The following SLC5A8 variants were observed in gnomAD, a reference collection of about 807,000 sequenced individuals.
SLC5A8 encodes the protein sodium-coupled monocarboxylate transporter 1.
In SLC5A8, 55 loss-of-function variants were observed where a neutral mutation model predicts 71.9. The ratio of observed to expected loss-of-function variants is 0.77; its 90% CI spans 0.62 to 0.96. The LOEUF (loss-of-function observed/expected upper bound fraction) is 0.96, where lower values mean the gene tolerates loss of function less well. Ranked by LOEUF, SLC5A8 falls within the 40% of genes least tolerant of loss-of-function variation. The pLI, the probability that SLC5A8 is intolerant of heterozygous loss-of-function variation, is 0.00. For synonymous variants in SLC5A8, 307 were observed against 276.1 expected, an observed-to-expected ratio of 1.11 and a Z score of -1.11; for missense variants, 701 against 745.3, an observed-to-expected ratio of 0.94 and a Z score of 0.69.
intron 10 of SLC5A8, among the ~76,000 whole-genome samples, chr12:101,171,310 A>C (rs559590274): frequency 2.4e-4 from 37 of 152,270 alleles, no homozygotes; most frequent in Admixed American, 5.2e-4. Context: ...CATACTGCTA[A>C]GTTTGACAGA....
At chr12:101,185,049 A>G (rs1007573711) in intron 7 of SLC5A8, among the ~76,000 whole-genome samples, 1 of 152,168 alleles carries the variant, frequency 6.6e-6, no homozygotes, top group Admixed American at 6.5e-5. Flanking sequence ...AGTAGATGAC[A>G]TGTCCTATTT....
intron 3 of SLC5A8, among the ~76,000 whole-genome samples, chr12:101,195,591 T>C (rs1053206166): frequency 6.6e-6 from 1 of 152,128 alleles, no homozygotes; most frequent in Non-Finnish European, 1.5e-5. Context: ...TGCTATGATG[T>C]ATAGATTCAA....
At chr12:101,186,774 T>C (rs1441343681) in intron 7 of SLC5A8, among the ~76,000 whole-genome samples, 1 of 152,158 alleles carries the variant, frequency 6.6e-6, no homozygotes, top group Non-Finnish European at 1.5e-5. Context: ...CCATGGTGGG[T>C]ATTTGATAAC....
intron 1 of SLC5A8, among the ~76,000 whole-genome samples, chr12:101,207,844 T>C (rs976927708): frequency 6.6e-6 from 1 of 152,186 alleles, no homozygotes; most frequent in Admixed American, 6.5e-5. Flanking sequence ...CCTTTACCCC[T>C]GTCCATTTTG....
At chr12:101,158,590 CTCTCT>C (rs2051693450) in intron 13 of SLC5A8, among the ~76,000 whole-genome samples, 1 of 31,558 alleles carries the variant, frequency 3.2e-5, no homozygotes, top group Admixed American at 4.7e-4. Flanking sequence ...CTCTCTCTCT[CTCTCT>C]CTCTATATAT....
intron 10 of SLC5A8, among the ~76,000 whole-genome samples, chr12:101,172,860 T>C (rs993097756): frequency 4.6e-5 from 7 of 152,138 alleles, no homozygotes; most frequent in Non-Finnish European, 1.0e-4. Flanking sequence ...TGGGCTCTCC[T>C]TAAAAACATC....
intron 13 of SLC5A8, among the ~76,000 whole-genome samples, chr12:101,159,291 A>C (rs2051704013): frequency 6.6e-6 from 1 of 152,194 alleles, no homozygotes; most frequent in Non-Finnish European, 1.5e-5. Flanking sequence ...GAATTCGTTC[A>C]ATGTTATTGA....
At chr12:101,164,787 C>T (rs866633143) in intron 12 of SLC5A8, among the ~76,000 whole-genome samples, 1 of 152,172 alleles carries the variant, frequency 6.6e-6, no homozygotes, top group Non-Finnish European at 1.5e-5. Flanking sequence ...ATATTACTTA[C>T]CACAATGCAT....
intron 5 of SLC5A8, among the ~76,000 whole-genome samples, chr12:101,191,979 T>C (rs1868932073): frequency 6.6e-6 from 1 of 152,194 alleles, no homozygotes; most frequent in African/African-American, 2.4e-5. Flanking sequence ...AAATGATTGG[T>C]TCCATACCCT....
At chr12:101,203,509 G>A (rs774787358) in intron 2 of SLC5A8, among the ~76,000 whole-genome samples, 3 of 152,086 alleles carry the variant, frequency 2.0e-5, no homozygotes, top group African/African-American at 2.4e-5. Flanking sequence ...CCTCATGCCT[G>A]GCTAATTTTT....
At chr12:101,204,163 C>A (rs1360257747) in intron 2 of SLC5A8, among the ~76,000 whole-genome samples, 1 of 152,196 alleles carries the variant, frequency 6.6e-6, no homozygotes, top group Non-Finnish European at 1.5e-5. Flanking sequence ...CCACTGTCAG[C>A]AACAAATATC....
At chr12:101,176,948 C>A in intron 10 of SLC5A8, among the ~76,000 whole-genome samples, 1 of 151,456 alleles carries the variant, frequency 6.6e-6, no homozygotes. Flanking sequence ...TGAGTGAAAA[C>A]AGAAAAACAA....
In SLC5A8 at chr12:101,166,608, A is replaced by C. The variant is rs1186770609; in HGVS notation, c.1412T>G (p.Leu471Trp). ...GCCTTGGATATCAAGGTGCAATGGC[A>C]ATGTTCTCTCAGGAAGTGGAGGATA... ...QIYPPLPERTLPLHLDIQGCN... is the reference protein window; with the variant it reads ...QIYPPLPERTWPLHLDIQGCN... Residue 471 changes from leucine to tryptophan, a missense_variant, in exon 12 of 15, where the codon TTG (leucine) becomes TGG (tryptophan). Physicochemically the swap from Leu to Trp is moderately conservative, Grantham distance 61. Coordinates refer to ENST00000536262, the MANE Select transcript of SLC5A8 (RefSeq NM_145913.5). 6 of 1,613,922 alleles carry C rather than the reference A, an allele frequency of 3.7e-6. No individual in the cohort carries two copies. The Admixed American group carries it at 8.3e-5, about 22-fold the overall frequency.
chr12:101,204,637 T>A, intron 1 of SLC5A8, 72 bp from the exon 2 acceptor site: 2 of 1,068,950 alleles, frequency 1.9e-6, no homozygotes, highest in Non-Finnish European at 2.8e-6. Context: ...AGAAGAAAAT[T>A]TAAATTTAGA....
chr12:101,162,201 CTG>C, intron 12 of SLC5A8, 124 bp from the exon 13 acceptor site: 1 of 647,284 alleles, frequency 1.5e-6, no homozygotes, highest in Non-Finnish European at 2.7e-6. Context: ...ATGTCATAAC[CTG>C]CTGTCCTAAT....
chr12:101,161,603 T>C (rs957652089), intron 13 of SLC5A8, among the ~76,000 whole-genome samples: 3 of 152,200 alleles, frequency 2.0e-5, no homozygotes, highest in African/African-American at 7.2e-5. Flanking sequence ...TAAAAATATG[T>C]GTAAAATCCC....
In SLC5A8 at chr12:101,158,245, T is replaced by C; in HGVS notation, c.1710+4A>G. 1.3e-6 allele frequency: 2 copies of C among 1,570,950 alleles called. No homozygotes were observed. Among genetic ancestry groups the C allele is most frequent in the South Asian group, 2.3e-5 (2 of 88,572 alleles). ...TAACTCAAGGTAAATGAAAGCCAAC[T>C]CACTTTCTTAAAAATATCAAAATTG... On this transcript the variant is annotated splice_donor_region_variant and intron_variant, in intron 14 of 14. Coordinates refer to ENST00000536262, the MANE Select transcript of SLC5A8 (RefSeq NM_145913.5).
intron 1 of SLC5A8, among the ~76,000 whole-genome samples, chr12:101,206,439 A>G (rs999610296): frequency 6.6e-6 from 1 of 152,222 alleles, no homozygotes; most frequent in Non-Finnish European, 1.5e-5. Flanking sequence ...TGGAGACCCA[A>G]ATAAATTGAA....
Position 101,158,240 on chromosome 12 carries a change from C to T in SLC5A8, c.1710+9G>A. The T allele has an allele frequency of 1.3e-6, 2 of 1,562,460 alleles. No individual in the cohort carries two copies. The highest frequency in any genetic ancestry group is 8.8e-7 in the Non-Finnish European group (1 of 1,138,692). ...TTTCCTAACTCAAGGTAAATGAAAG[C>T]CAACTCACTTTCTTAAAAATATCAA... On this transcript the variant is annotated intron_variant, in intron 14 of 14. Coordinates refer to ENST00000536262, the MANE Select transcript of SLC5A8 (RefSeq NM_145913.5).
Sources: allele counts gnomAD v4.1 joint callset (sites outside exome capture counted in the v4.1 genomes callset), GRCh38; gene constraint gnomAD v4.1.1; transcripts MANE v1.5; gene names NCBI Gene and HGNC (gene_info 2026-07-23, HGNC 2026-07-21).